The following HSD17B3 variants were observed in gnomAD, a reference collection of about 807,000 sequenced individuals.
HSD17B3 encodes the protein hydroxysteroid 17-beta dehydrogenase 3.
HSD17B3 carries 29 observed loss-of-function variants against 41.1 expected under a neutral mutation model. The ratio of observed to expected loss-of-function variants is 0.71; its 90% CI spans 0.53 to 0.96. The LOEUF is 0.96. Among genes scored for constraint, HSD17B3 ranks in the 40% least tolerant of loss-of-function variants. HSD17B3 has a pLI of 0.00. For synonymous variants in HSD17B3, 126 were observed against 145.6 expected, an observed-to-expected ratio of 0.87 and a Z score of 0.97; for missense variants, 323 against 374.6, an observed-to-expected ratio of 0.86 and a Z score of 1.14.
intron 2 of HSD17B3, among the ~76,000 whole-genome samples, chr9:96,285,796 C>T (rs1826897188): frequency 6.6e-6 from 1 of 152,134 alleles, no homozygotes; most frequent in Non-Finnish European, 1.5e-5. Context: ...ATATCATTGC[C>T]CCTATTCAGC....
intron 2 of HSD17B3, among the ~76,000 whole-genome samples, chr9:96,272,446 T>TATATATATA (rs34436322): frequency 1.2e-5 from 1 of 85,850 alleles, no homozygotes; most frequent in African/African-American, 4.0e-5. Context: ...TATATATATA[T>TATATATATA]AAAATATATA....
intron 1 of HSD17B3, 40 bp downstream of exon 1, chr9:96,301,911 C>G: frequency 6.3e-7 from 1 of 1,585,520 alleles, no homozygotes; most frequent in Non-Finnish European, 8.6e-7. Context: ...CAAGCAGGAA[C>G]AACAGCAGCA....
chr9:96,242,236 T>C (rs1265318628), intron 9 of HSD17B3, among the ~76,000 whole-genome samples: 1 of 152,186 alleles, frequency 6.6e-6, no homozygotes, highest in Non-Finnish European at 1.5e-5. Context: ...ATAAGGAGTG[T>C]GCTTTCTCCA....
In HSD17B3 at chr9:96,245,237, A is replaced by G. The variant is rs564124448; in HGVS notation, c.606+108T>C. On this transcript the variant is annotated intron_variant, in intron 8 of 10. Transcript: ENST00000375263. ...AGCTCAGCCCTGCACATAAGAGAGCATCTCCAGGTAAACCTTTCCATCAAC... is the reference window on the plus strand; with the variant it reads ...AGCTCAGCCCTGCACATAAGAGAGCGTCTCCAGGTAAACCTTTCCATCAAC... 51 of 868,462 alleles carry G rather than the reference A, an allele frequency of 5.9e-5. No homozygotes were observed. The Admixed American group carries it at 8.5e-4, about 14-fold the overall frequency. 53.8% of individuals were successfully genotyped at this position (868,462 alleles called of 1,614,324 possible).
chr9:96,281,856 C>A (rs1826705149), intron 2 of HSD17B3, among the ~76,000 whole-genome samples: 1 of 152,200 alleles, frequency 6.6e-6, no homozygotes, highest in Non-Finnish European at 1.5e-5. Context: ...CCTCCCCCAC[C>A]CTGCCTCAGG....
intron 3 of HSD17B3, among the ~76,000 whole-genome samples, chr9:96,254,122 C>T (rs379734): frequency 0.83 from 126,781 of 152,184 alleles, 52,883 homozygotes; most frequent in East Asian, 0.85. Flanking sequence ...ATGATTATCA[C>T]TATTAACAAA....
intron 2 of HSD17B3, among the ~76,000 whole-genome samples, chr9:96,261,679 G>A (rs181329042): frequency 1.8e-4 from 28 of 152,310 alleles, no homozygotes; most frequent in African/African-American, 6.0e-4. Flanking sequence ...GGAAACAGTC[G>A]GTATCAGTCA....
intron 10 of HSD17B3, among the ~76,000 whole-genome samples, chr9:96,236,564 C>A (rs1435320696): frequency 2.9e-5 from 4 of 136,886 alleles, no homozygotes; most frequent in Non-Finnish European, 4.6e-5. Context: ...AAATGAGGAT[C>A]CAGGAGAGAA....
chr9:96,239,736 C>G (rs1193969396), intron 10 of HSD17B3: 3 of 152,126 alleles, frequency 2.0e-5, no homozygotes, highest in Non-Finnish European at 4.4e-5. Context: ...TGAGGAAACC[C>G]CATCTAACTT....
Position 96,272,079 on chromosome 9 carries a change from C to T in HSD17B3, c.202-17136G>A, listed in dbSNP as rs901795468. Among the ~76,000 whole-genome samples the T allele has an allele frequency of 2.3e-4, 35 of 151,684 alleles. 1 individual carries two copies. The highest frequency in any genetic ancestry group is 4.8e-5 in the African/African-American group (2 of 41,268). On this transcript the variant is annotated intron_variant, in intron 2 of 10. Coordinates refer to ENST00000375263, the MANE Select transcript of HSD17B3 (RefSeq NM_000197.2). ...TATTCCTCTCTTTGAGTTAAAAATA[C>T]ATATATAGGTCAGGCACGGTGGCTC... is the stretch of plus-strand genomic sequence containing the variant.
Position 96,246,594 on chromosome 9 carries a change from C to A in HSD17B3, c.490-4G>T, listed in dbSNP as rs1313736012. ...GTTTCAGAATTAGCTGTGTCATCTA[C>A]AAGAGAAGGCCAAAGGTAAGCCCGA... On this transcript the variant is annotated splice_polypyrimidine_tract_variant and splice_region_variant and intron_variant, in intron 6 of 10. Transcript: ENST00000375263. 3 of 1,614,020 alleles carry A rather than the reference C, an allele frequency of 1.9e-6. No homozygotes were observed. The East Asian group carries it at 6.7e-5, about 36-fold the overall frequency.
intron 2 of HSD17B3, among the ~76,000 whole-genome samples, chr9:96,272,427 A>ATATATC (rs1826292623): frequency 6.9e-5 from 4 of 58,010 alleles, no homozygotes; most frequent in African/African-American, 2.4e-4. Flanking sequence ...ATATATATAT[A>ATATATC]TATATATATA....
At chr9:96,295,600 G>A (rs1404102040) in intron 2 of HSD17B3, among the ~76,000 whole-genome samples, 1 of 152,080 alleles carries the variant, frequency 6.6e-6, no homozygotes, top group Admixed American at 6.5e-5. Context: ...CTCCCAAAGT[G>A]CTGGGATTAC....
chr9:96,250,191 G>A (rs1485978223), intron 5 of HSD17B3: 6 of 1,143,404 alleles, frequency 5.2e-6, no homozygotes, highest in Admixed American at 4.3e-5. Flanking sequence ...GGGCTATGGA[G>A]GGCAGGTAAA....
At chr9:96,273,119 T>A (rs1826326291) in intron 2 of HSD17B3, among the ~76,000 whole-genome samples, 1 of 152,218 alleles carries the variant, frequency 6.6e-6, no homozygotes. Context: ...GATGGAATTG[T>A]TCTGTATCTT....
chr9:96,300,299 T>C (rs1222372660), intron 1 of HSD17B3, among the ~76,000 whole-genome samples: 1 of 142,528 alleles, frequency 7.0e-6, no homozygotes, highest in Non-Finnish European at 1.5e-5. Flanking sequence ...CCATTTGTCA[T>C]CCCAAACAAT....
chr9:96,248,705 G>A (rs1424264639), intron 6 of HSD17B3, among the ~76,000 whole-genome samples: 1 of 152,158 alleles, frequency 6.6e-6, no homozygotes, highest in East Asian at 1.9e-4. Flanking sequence ...GAGGAAGGGG[G>A]AACACGTCAT....
At chr9:96,249,189 C>T (rs1443225373) in intron 6 of HSD17B3, among the ~76,000 whole-genome samples, 1 of 152,190 alleles carries the variant, frequency 6.6e-6, no homozygotes, top group Non-Finnish European at 1.5e-5. Context: ...AGGCATGAGC[C>T]ACCACGCCCA....
At chr9:96,272,654 A>G (rs1181465821) in intron 2 of HSD17B3, among the ~76,000 whole-genome samples, 1 of 151,262 alleles carries the variant, frequency 6.6e-6, no homozygotes, top group African/African-American at 2.4e-5. Context: ...AAGAGTTTGC[A>G]GTTTCCTAAG....
Sources: allele counts gnomAD v4.1 joint callset (sites outside exome capture counted in the v4.1 genomes callset), GRCh38; gene constraint gnomAD v4.1.1; transcripts MANE v1.5; gene names NCBI Gene and HGNC (gene_info 2026-07-23, HGNC 2026-07-21).